Variants in ABCC12 observed in about 807,000 individuals in gnomAD.
The protein encoded by ABCC12 is ATP binding cassette subfamily C member 12.
Under a neutral mutation model 151.1 loss-of-function variants are expected in ABCC12, and 142 were observed. That is an observed-to-expected ratio of 0.94 (90% CI 0.82 to 1.08). ABCC12 has a LOEUF of 1.08. Among genes scored for constraint, ABCC12 ranks in the 50% least tolerant of loss-of-function variants. The pLI is 0.00. For missense variants in ABCC12, 1,638 were observed against 1,691.1 expected (o/e 0.97, Z 0.55); for synonymous variants, 645 against 646.4 (o/e 1.00, Z 0.03).
In ABCC12 at chr16:48,144,049, C is replaced by T; in HGVS notation, c.136G>A (p.Val46Met). 6.2e-7 allele frequency: 1 copy of T among 1,613,932 alleles called. No individual in the cohort carries two copies. ...AAGGAGAGTAGCCCGGCATCATCCA[C>T]CGGGTTGGGTGCTAACCTGCAGACA... Reference protein sequence around the residue: ...RPCARLAPNPVDDAGLLSFAT... With the variant: ...RPCARLAPNPMDDAGLLSFAT... Residue 46 changes from valine to methionine, a missense_variant, in exon 4 of 31, where the codon GTG (valine) becomes ATG (methionine). Transcript: ENST00000311303.
chr16:48,136,173 A>T (rs577020577), intron 8 of ABCC12, among the ~76,000 whole-genome samples: 23 of 152,268 alleles, frequency 1.5e-4, no homozygotes, highest in African/African-American at 4.6e-4. Context: ...TTCTCCTGGG[A>T]TCCAAGCTCT....
Position 48,107,418 on chromosome 16 carries a change from G to C in ABCC12, c.2379C>G (p.Leu793=), listed in dbSNP as rs1567448435. 5 of 1,614,130 alleles carry C rather than the reference G, an allele frequency of 3.1e-6. No homozygotes were observed. Among genetic ancestry groups the C allele is most frequent in the Non-Finnish European group, 4.2e-6 (5 of 1,180,010 alleles). The change falls in exon 20 of 31, where the codon CTC becomes CTG. Residue 793 remains leucine, a synonymous_variant. Transcript: ENST00000311303. Reference sequence around the variant, plus strand: ...AGAGGAACACAGTGAAGAGAGAAAGGAGGTACCCTGCAAGAGGAGCGGAGA... The same window carrying C: ...AGAGGAACACAGTGAAGAGAGAAAGCAGGTACCCTGCAAGAGGAGCGGAGA... ...HTYIKASGGY[L]LSLFTVFLFL...
At chr16:48,136,034 T>C (rs1488639368) in intron 8 of ABCC12, among the ~76,000 whole-genome samples, 1 of 152,074 alleles carries the variant, frequency 6.6e-6, no homozygotes, top group Non-Finnish European at 1.5e-5. Flanking sequence ...CACCACTGCA[T>C]GATGAGAGAG....
rs753827231 is a variant in ABCC12, at chr16:48,115,439, G to C, written c.1965C>G (p.Val655=). 3.7e-5 allele frequency: 60 copies of C among 1,613,884 alleles called. No individual in the cohort carries two copies. In the South Asian group the frequency reaches 6.1e-4, roughly 17 times the overall value. Residue 655 remains valine (V), a synonymous_variant, in exon 15 of 31, where the codon GTC becomes GTG. Coordinates refer to ENST00000311303, the MANE Select transcript of ABCC12 (RefSeq NM_001393797.1). ...CCTGTAGCTGGTGGGTCACCAGGAC[G>C]ACTGTCTTTCCCCTGAGCGTCTTCT... ...CIKKTLRGKT[V]VLVTHQLQFL... is the part of the protein sequence containing the mutation.
At chr16:48,088,871 C>A in intron 25 of ABCC12, 137 bp from the exon 26 acceptor site, 1 of 730,036 alleles carries the variant, frequency 1.4e-6, no homozygotes, top group Non-Finnish European at 2.1e-6. Context: ...ACCCTTAATT[C>A]TAGAAACTCA....
At chr16:48,136,216 C>T (rs1964603510) in intron 8 of ABCC12, among the ~76,000 whole-genome samples, 1 of 152,156 alleles carries the variant, frequency 6.6e-6, no homozygotes, top group Admixed American at 6.5e-5. Context: ...AAAGAACATC[C>T]AGCACCCCCT....
At chr16:48,120,864 T>A (rs1028356576) in intron 13 of ABCC12, among the ~76,000 whole-genome samples, 1 of 152,212 alleles carries the variant, frequency 6.6e-6, no homozygotes, top group East Asian at 1.9e-4. Context: ...AATGGGTTAT[T>A]AAATGTTCTT....
intron 3 of ABCC12, among the ~76,000 whole-genome samples, chr16:48,144,417 T>G (rs2150678783): frequency 6.6e-6 from 1 of 151,684 alleles, no homozygotes; most frequent in African/African-American, 2.4e-5. Context: ...TCCTCTTCCT[T>G]CTTTTTTCCC....
Position 48,146,321 on chromosome 16 carries a change from A to G in ABCC12, c.104T>C (p.Val35Ala). The G allele has an allele frequency of 1.2e-6, 2 of 1,614,136 alleles. No individual in the cohort carries two copies. Among genetic ancestry groups the G allele is most frequent in the Non-Finnish European group, 1.7e-6 (2 of 1,180,002 alleles). Residue 35 changes from valine (V) to alanine (A), a missense_variant, in exon 3 of 31, where the codon GTG (valine) becomes GCG (alanine). Val to Ala is a moderately conservative substitution (Grantham distance 64). Coordinates refer to ENST00000311303, the MANE Select transcript of ABCC12 (RefSeq NM_001393797.1). ...YDPSLKTMIP[V>A]RPCARLAPNP... is the part of the protein sequence containing the mutation. Reference sequence around the variant, plus strand: ...TCTGACTTACCTTGCACAGGGTCGCACTGGGATCATGGTCTTCAGGCTGGG... The same window carrying G: ...TCTGACTTACCTTGCACAGGGTCGCGCTGGGATCATGGTCTTCAGGCTGGG...
Position 48,105,312 on chromosome 16 carries a change from T to C in ABCC12, c.2500A>G (p.Arg834Gly). 6.2e-7 allele frequency: 1 copy of C among 1,612,268 alleles called. No homozygotes were observed. The highest frequency in any genetic ancestry group is 8.5e-7 in the Non-Finnish European group (1 of 1,179,496). The change falls in exon 21 of 31, where the codon AGG becomes GGG. Residue 834 changes from arginine to glycine, a missense_variant. By Grantham distance (125) the Arg-to-Gly change is moderately radical (BLOSUM62 -2). Transcript: ENST00000311303. ...ACCGCGCCGACCTCACACATGGTCCTGTTGCCCTGGGGCCCACAGGTCATC... is the reference window on the plus strand; with the variant it reads ...ACCGCGCCGACCTCACACATGGTCCCGTTGCCCTGGGGCCCACAGGTCATC... ...SRMTCGPQGN[R>G]TMCEVGAVLA...
intron 13 of ABCC12, among the ~76,000 whole-genome samples, chr16:48,119,752 C>T (rs968959490): frequency 6.6e-6 from 1 of 152,208 alleles, no homozygotes; most frequent in Non-Finnish European, 1.5e-5. Flanking sequence ...AAACCAACTC[C>T]AGTTCTCTTA....
At position 48,144,022 on chromosome 16, in the gene ABCC12, C is replaced by T. The variant is rs773323570; in HGVS notation, c.163G>A (p.Ala55Thr). The T allele has an allele frequency of 2.3e-5, 37 of 1,614,106 alleles. No individual in the cohort carries two copies. The highest frequency in any genetic ancestry group is 1.7e-4 in the Middle Eastern group (1 of 6,060). ...PVDDAGLLSF[A>T]TFSWLTPVMV... ...ACCGGCGTGAGCCAGGAAAATGTGG[C>T]GAAGGAGAGTAGCCCGGCATCATCC... Residue 55 changes from alanine (A) to threonine (T), a missense_variant, in exon 4 of 31, where the codon GCC (alanine) becomes ACC (threonine). Physicochemically the swap from Ala to Thr is moderately conservative, Grantham distance 58 (BLOSUM62 0). Coordinates refer to ENST00000311303, the MANE Select transcript of ABCC12 (RefSeq NM_001393797.1).
In ABCC12 at chr16:48,124,148, C is replaced by T. The variant is rs566115613; in HGVS notation, c.1587+65G>A. The stretch of plus-strand genomic sequence containing the variant: ...GCCATCTGCTGGGTCCACGCCTGAC[C>T]GGAAGGGAGCCATTTCATTGTCATG... On this transcript the variant is annotated intron_variant, in intron 12 of 30. Coordinates refer to ENST00000311303, the MANE Select transcript of ABCC12 (RefSeq NM_001393797.1). 7.3e-5 allele frequency: 113 copies of T among 1,546,162 alleles called. 1 individual carries two copies. Among genetic ancestry groups the T allele is most frequent in the Non-Finnish European group, 8.9e-5 (100 of 1,118,344 alleles).
At chr16:48,100,825 A>T in intron 23 of ABCC12, 47 bp downstream of exon 23, 1 of 1,595,868 alleles carries the variant, frequency 6.3e-7, no homozygotes, top group Non-Finnish European at 8.5e-7. Context: ...CATCGGAGTC[A>T]GGCATGAAGC....
intron 9 of ABCC12, among the ~76,000 whole-genome samples, chr16:48,131,419 G>A (rs975231565): frequency 6.6e-6 from 1 of 152,152 alleles, no homozygotes; most frequent in African/African-American, 2.4e-5. Flanking sequence ...CTGCTCCCAG[G>A]ACCTGGCCTC....
Position 48,108,524 on chromosome 16 carries a change from C to G in ABCC12, c.2287G>C (p.Glu763Gln), listed in dbSNP as rs749015129. 1.9e-6 allele frequency: 3 copies of G among 1,613,924 alleles called. No individual in the cohort carries two copies. In the South Asian group the frequency reaches 3.3e-5, roughly 18 times the overall value. ...GATTCAGTCTGGATGAGCTGGTGCT[C>G]AGGAACTGTGGAGACAAACACAAGT... ...GSEFVDTKVP[E>Q]HQLIQTESPQ... Residue 763 changes from glutamate (E) to glutamine (Q), a missense_variant, in exon 19 of 31, where the codon GAG (glutamate) becomes CAG (glutamine). Physicochemically the swap from Glu to Gln is conservative, Grantham distance 29 (BLOSUM62 2). Coordinates refer to ENST00000311303, the MANE Select transcript of ABCC12 (RefSeq NM_001393797.1).
At position 48,088,002 on chromosome 16, in the gene ABCC12, T is replaced by C; in HGVS notation, c.3559A>G (p.Ile1187Val). The change falls in exon 27 of 31, where the codon ATT becomes GTT. Residue 1187 changes from isoleucine to valine, a missense_variant. By Grantham distance (29) the Ile-to-Val change is conservative. Coordinates refer to ENST00000311303, the MANE Select transcript of ABCC12 (RefSeq NM_001393797.1). ...TIFIDEVDIC[I>V]LSLEDLRTKL... Reference sequence around the variant, plus strand: ...GTTCTGAGGTCTTCCAAGCTGAGAATGCAGATATCCACCTCATCAATAAAG... The same window carrying C: ...GTTCTGAGGTCTTCCAAGCTGAGAACGCAGATATCCACCTCATCAATAAAG... The C allele has an allele frequency of 1.2e-6, 2 of 1,614,236 alleles. No homozygotes were observed. The highest frequency in any genetic ancestry group is 1.7e-6 in the Non-Finnish European group (2 of 1,180,038).
intron 25 of ABCC12, 140 bp downstream of exon 25, chr16:48,090,980 G>A: frequency 2.6e-6 from 2 of 777,678 alleles, no homozygotes; most frequent in South Asian, 1.5e-5. Context: ...CAAAGTGCTG[G>A]GATTATAGGC....
At chr16:48,128,847 C>G in intron 10 of ABCC12, 110 bp from the exon 11 acceptor site, 1 of 1,216,252 alleles carries the variant, frequency 8.2e-7, no homozygotes, top group Non-Finnish European at 1.1e-6. Flanking sequence ...TCTAACCCAC[C>G]ACATCCAGGA....
Sources: allele counts gnomAD v4.1 joint callset (sites outside exome capture counted in the v4.1 genomes callset), GRCh38; gene constraint gnomAD v4.1.1; transcripts MANE v1.5; gene names NCBI Gene and HGNC (gene_info 2026-07-23, HGNC 2026-07-21).